The following PRKN variants were observed in gnomAD, a reference collection of about 807,000 sequenced individuals.
PRKN encodes the protein E3 ubiquitin-protein ligase parkin.
PRKN carries 56 observed loss-of-function variants against 59.5 expected under a neutral mutation model. The observed-to-expected ratio is 0.94, with a 90% CI of 0.76 to 1.18. The LOEUF (loss-of-function observed/expected upper bound fraction) is 1.18. Among genes scored for constraint, PRKN ranks in the 50% most tolerant of loss-of-function variants. The pLI is 0.00. For synonymous variants in PRKN, 250 were observed against 222.1 expected (o/e 1.13, Z -1.12); for missense variants, 657 against 596.4 (o/e 1.10, Z -1.06).
chr6:162,658,959 T>C (rs1778774945), intron 1 of PRKN, among the ~76,000 whole-genome samples: 2 of 152,134 alleles, frequency 1.3e-5, no homozygotes, highest in African/African-American at 4.8e-5. Flanking sequence ...AAAGAAGAAA[T>C]AATACATTCT....
intron 2 of PRKN, among the ~76,000 whole-genome samples, chr6:162,277,383 A>G (rs994696393): frequency 1.3e-5 from 2 of 152,196 alleles, no homozygotes; most frequent in African/African-American, 4.8e-5. Context: ...GAGACAATAA[A>G]ACAAATCGAG....
intron 9 of PRKN, among the ~76,000 whole-genome samples, chr6:161,403,512 T>C (rs1025327740): frequency 1.3e-5 from 2 of 152,156 alleles, no homozygotes; most frequent in African/African-American, 4.8e-5. Flanking sequence ...ATCATTCCTT[T>C]ATCTCACAAG....
chr6:162,600,893 ATAAGCCAATTAAACTTCT>A (rs77742124), intron 1 of PRKN, among the ~76,000 whole-genome samples: 27,378 of 152,116 alleles, frequency 0.18, 3,180 homozygotes, highest in East Asian at 0.49. Context: ...TTGCAGAACC[ATAAGCCAATTAAACTTCT>A]TTTCTTTATA....
At chr6:162,124,361 G>A (rs1435570824) in intron 4 of PRKN, among the ~76,000 whole-genome samples, 1 of 152,154 alleles carries the variant, frequency 6.6e-6, no homozygotes, top group Non-Finnish European at 1.5e-5. Flanking sequence ...AGTGGGATCT[G>A]TCTTTCCCTC....
chr6:161,527,472 G>C lies in PRKN; in HGVS notation c.1083+21382C>G, dbSNP rs12194826. The stretch of plus-strand genomic sequence containing the variant: ...CCCTGAACCTTACAACCTGCTGGAT[G>C]CTATGCCCACATGAGGGAGGGGTGC... On this transcript the variant is annotated intron_variant, in intron 9 of 11. Coordinates refer to ENST00000366898, the MANE Select transcript of PRKN (RefSeq NM_004562.3). The surrounding 1 kb of genome is among the most constrained non-coding windows in gnomAD (Gnocchi z 4.6). Among the ~76,000 whole-genome samples the C allele has an allele frequency of 0.18, 27,946 of 152,164 alleles. 2,779 individuals carry two copies. The highest frequency in any genetic ancestry group is 0.3 in the Middle Eastern group (88 of 292).
intron 7 of PRKN, among the ~76,000 whole-genome samples, chr6:161,727,303 T>C (rs6455767): frequency 0.26 from 39,132 of 152,122 alleles, 11,464 homozygotes; most frequent in African/African-American, 0.72. Flanking sequence ...ACTGTTTCTC[T>C]GCAGAGGGAC....
At chr6:162,223,564 T>C (rs1034904362) in intron 3 of PRKN, among the ~76,000 whole-genome samples, 1 of 151,878 alleles carries the variant, frequency 6.6e-6, no homozygotes, top group Non-Finnish European at 1.5e-5. Flanking sequence ...ATTAAATCTA[T>C]TGACATCTAT....
intron 4 of PRKN, among the ~76,000 whole-genome samples, chr6:162,102,076 C>T (rs1156232114): frequency 6.6e-6 from 1 of 152,156 alleles, no homozygotes; most frequent in African/African-American, 2.4e-5. Flanking sequence ...ACAGGACGTG[C>T]AGGTTTGTTA....
intron 6 of PRKN, among the ~76,000 whole-genome samples, chr6:161,932,566 G>A (rs1034311392): frequency 6.6e-6 from 1 of 152,118 alleles, no homozygotes; most frequent in East Asian, 1.9e-4. Flanking sequence ...ACATGCTCGA[G>A]GGAAGCCAAA....
At chr6:162,417,048 G>A (rs1788664960) in intron 2 of PRKN, among the ~76,000 whole-genome samples, 1 of 152,120 alleles carries the variant, frequency 6.6e-6, no homozygotes, top group African/African-American at 2.4e-5. Context: ...AGAGACATGT[G>A]CATAATTTGA....
At chr6:162,392,039 T>A (rs1787227862) in intron 2 of PRKN, among the ~76,000 whole-genome samples, 1 of 152,148 alleles carries the variant, frequency 6.6e-6, no homozygotes, top group Non-Finnish European at 1.5e-5. Context: ...TTTCATGATT[T>A]TTTTTTCCTT....
intron 3 of PRKN, 107 bp from the exon 4 acceptor site, chr6:162,201,359 G>T: frequency 2.1e-6 from 2 of 974,474 alleles, no homozygotes; most frequent in Non-Finnish European, 3.3e-6. Flanking sequence ...CAGTCTTCAG[G>T]AACATTTTGA....
At chr6:161,750,452 A>G (rs1372429350) in intron 7 of PRKN, among the ~76,000 whole-genome samples, 1 of 152,066 alleles carries the variant, frequency 6.6e-6, no homozygotes, top group African/African-American at 2.4e-5. Flanking sequence ...TTCCTGACAA[A>G]TCCATAAGTG....
At chr6:161,792,395 T>C (rs1191980055) in intron 6 of PRKN, among the ~76,000 whole-genome samples, 2 of 152,024 alleles carry the variant, frequency 1.3e-5, no homozygotes, top group African/African-American at 4.8e-5. Flanking sequence ...ACACCTGAGG[T>C]CAAGAGAAAA....
intron 1 of PRKN, among the ~76,000 whole-genome samples, chr6:162,615,910 GTATA>G (rs937144377): frequency 6.6e-6 from 1 of 152,192 alleles, no homozygotes; most frequent in African/African-American, 2.4e-5. Flanking sequence ...CATTGGCAGA[GTATA>G]TAAATTAATA....
chr6:161,975,025 G>T (rs1455990317), intron 5 of PRKN, among the ~76,000 whole-genome samples: 2 of 151,370 alleles, frequency 1.3e-5, no homozygotes, highest in African/African-American at 2.4e-5. Flanking sequence ...TTTGTAGAAT[G>T]CTTTATTCAT....
chr6:161,920,918 T>C (rs1778762306), intron 6 of PRKN, among the ~76,000 whole-genome samples: 1 of 152,194 alleles, frequency 6.6e-6, no homozygotes, highest in African/African-American at 2.4e-5. Context: ...TATACCACTG[T>C]AGACGTTATG....
rs368190954 is a variant in PRKN at position 161,946,386 on chromosome 6, T to TCACACACACACACA, written c.734+26902_734+26915dup. 9.5e-3 allele frequency among the ~76,000 whole-genome samples: 1,073 copies of TCACACACACACACA among 113,152 alleles called. 21 individuals are homozygous for TCACACACACACACA. Among genetic ancestry groups the TCACACACACACACA allele is most frequent in the African/African-American group, 0.022 (576 of 26,452 alleles). 74.2% of individuals were successfully genotyped at this position (113,152 alleles called of 152,430 possible). A position where few individuals can be genotyped will look rare whatever the true frequency, so the allele number is the denominator to read the frequency against. ...GGTTCTTTACCAAATTGCATGCACA[T>TCACACACACACACA]CACACACACACACACACACACACAC... is the stretch of plus-strand genomic sequence containing the variant. On this transcript the variant is annotated intron_variant, in intron 6 of 11. Coordinates refer to ENST00000366898, the MANE Select transcript of PRKN (RefSeq NM_004562.3).
chr6:162,150,185 T>C (rs1344208147), intron 4 of PRKN, among the ~76,000 whole-genome samples: 1 of 152,224 alleles, frequency 6.6e-6, no homozygotes, highest in Non-Finnish European at 1.5e-5. Context: ...CAGAAACAGA[T>C]GGATATTTTA....
Sources: gnomAD v4.1 joint callset for allele counts (sites outside exome capture counted in the v4.1 genomes callset) on GRCh38, gnomAD v4.1.1 for gene constraint, Gnocchi (gnomAD v3.1) non-coding constraint, MANE v1.5 for transcripts, NCBI Gene and HGNC (gene_info 2026-07-23, HGNC 2026-07-21) for gene names.